PCSK5: variants seen among roughly 807,000 people sequenced by gnomAD.
PCSK5 encodes the protein prohormone convertase 5.
A neutral mutation model predicts 233.2 loss-of-function variants in PCSK5; 129 were observed. The ratio of observed to expected loss-of-function variants is 0.55; its 90% CI spans 0.48 to 0.64. PCSK5 has a LOEUF of 0.64. Among genes scored for constraint, PCSK5 ranks in the 30% least tolerant of loss-of-function variants. The probability of loss-of-function intolerance (pLI) is 0.00; values close to 1 mark genes in which losing one functional copy is unlikely to be tolerated. For missense variants in PCSK5, 2,076 were observed against 2,430.1 expected (o/e 0.85, Z 3.06); for synonymous variants, 825 against 879.2 (o/e 0.94, Z 1.09).
intron 1 of PCSK5, among the ~76,000 whole-genome samples, chr9:75,928,563 T>C (rs1362641890): frequency 7.4e-6 from 1 of 134,562 alleles, no homozygotes; most frequent in African/African-American, 2.7e-5. Flanking sequence ...TATTAATAGA[T>C]GAGAGACATA....
intron 13 of PCSK5, 51 bp downstream of exon 13, chr9:76,169,891 G>A: frequency 6.5e-7 from 1 of 1,529,910 alleles, no homozygotes; most frequent in South Asian, 1.2e-5. Context: ...GAAAATGATG[G>A]AGTATATTTT....
intron 4 of PCSK5, among the ~76,000 whole-genome samples, chr9:76,026,450 C>T (rs1828429050): frequency 6.6e-6 from 1 of 151,952 alleles, no homozygotes; most frequent in African/African-American, 2.4e-5. Flanking sequence ...TAATAAAGAT[C>T]GAATATTGAT....
At chr9:76,247,043 C>G (rs1255612393) in intron 24 of PCSK5, among the ~76,000 whole-genome samples, 1 of 152,182 alleles carries the variant, frequency 6.6e-6, no homozygotes, top group Non-Finnish European at 1.5e-5. Flanking sequence ...GGAAGAGAAC[C>G]GTGGAACCCA....
Position 76,117,573 on chromosome 9 carries a change from G to A in PCSK5, c.1208+10222G>A, listed in dbSNP as rs144414666. On this transcript the variant is annotated intron_variant, in intron 9 of 37. Coordinates refer to ENST00000674117, the MANE Select transcript of PCSK5 (RefSeq NM_001372043.1). Reference sequence around the variant, plus strand: ...ACGTTAAGCACATCTTACCTTTTTCGTCTAATAGAGCTTGCAATCACAACC... The same window carrying A: ...ACGTTAAGCACATCTTACCTTTTTCATCTAATAGAGCTTGCAATCACAACC... 4.1e-4 allele frequency among the ~76,000 whole-genome samples: 62 copies of A among 152,118 alleles called. 1 individual carries two copies. The East Asian group carries it at 0.011, about 27-fold the overall frequency.
intron 1 of PCSK5, among the ~76,000 whole-genome samples, chr9:75,929,861 CTT>C (rs146665133): frequency 4.8e-4 from 65 of 135,098 alleles, no homozygotes; most frequent in Admixed American, 3.7e-4. Flanking sequence ...TGTCAGATCT[CTT>C]TTTTTTTTTT....
intron 2 of PCSK5, among the ~76,000 whole-genome samples, chr9:75,947,549 A>C (rs1005369370): frequency 1.3e-5 from 2 of 152,182 alleles, no homozygotes; most frequent in Admixed American, 1.3e-4. Context: ...GTAAATAGGT[A>C]AGAAACAGGA....
At chr9:75,906,176 G>T (rs767215124) in intron 1 of PCSK5, among the ~76,000 whole-genome samples, 25 of 152,160 alleles carry the variant, frequency 1.6e-4, no homozygotes, top group Admixed American at 7.2e-4. Context: ...AAGGGTGAGA[G>T]AACTCATTTA....
intron 13 of PCSK5, among the ~76,000 whole-genome samples, chr9:76,173,496 C>CTTT (rs59248860): frequency 4.1e-4 from 25 of 61,004 alleles, no homozygotes; most frequent in Non-Finnish European, 6.0e-4. Context: ...GGCACGTTTC[C>CTTT]TTTTTTTTTT....
chr9:76,170,516 G>A (rs1823286980), intron 13 of PCSK5, among the ~76,000 whole-genome samples: 1 of 152,210 alleles, frequency 6.6e-6, no homozygotes, highest in Non-Finnish European at 1.5e-5. Context: ...CATGGGGTGA[G>A]AGACTGTGTT....
chr9:75,952,576 G>A (rs1000991101), intron 2 of PCSK5, among the ~76,000 whole-genome samples: 1 of 152,118 alleles, frequency 6.6e-6, no homozygotes, highest in Non-Finnish European at 1.5e-5. Context: ...AACAGTCCCT[G>A]CTACCTCCCA....
At chr9:75,906,746 G>T (rs1464619692) in intron 1 of PCSK5, among the ~76,000 whole-genome samples, 3 of 152,170 alleles carry the variant, frequency 2.0e-5, no homozygotes, top group Non-Finnish European at 4.4e-5. Context: ...GCCACCAGTA[G>T]CTCCCATTTG....
intron 20 of PCSK5, among the ~76,000 whole-genome samples, chr9:76,198,802 A>G (rs568345431): frequency 6.6e-6 from 1 of 152,318 alleles, no homozygotes; most frequent in South Asian, 2.1e-4. Flanking sequence ...TTAGACATAA[A>G]ACACATGGTT....
chr9:76,074,704 CAG>C (rs372449178), intron 7 of PCSK5, among the ~76,000 whole-genome samples: 504 of 152,276 alleles, frequency 3.3e-3, no homozygotes, highest in African/African-American at 0.012. Context: ...ATAGTACTCA[CAG>C]AGATGTTATA....
intron 33 of PCSK5, among the ~76,000 whole-genome samples, chr9:76,328,975 A>ATTTTTTTTTTTTTTTTTTT (rs59466685): frequency 3.3e-4 from 41 of 123,692 alleles, no homozygotes; most frequent in African/African-American, 7.1e-4. Flanking sequence ...CTCCCGGCTA[A>ATTTTTTTTTTTTTTTTTTT]TTTTTTTTTT....
chr9:76,239,000 G>C lies in PCSK5; in HGVS notation c.2908G>C (p.Gly970Arg), dbSNP rs17062264. 200,058 of 1,611,542 alleles carry C rather than the reference G, an allele frequency of 0.12. 13,583 individuals are homozygous for C. Among genetic ancestry groups the C allele is most frequent in the Admixed American group, 0.2 (11,947 of 59,812 alleles). ...GCACTTCCTGTACCAGGGAGAGTGT[G>C]GAGATAGCTGCCCAGAGGGCCACTA... ...REHFLYQGEC[G>R]DSCPEGHYAT... The change falls in exon 23 of 38, where the codon GGA becomes CGA. Residue 970 changes from glycine (G) to arginine (R), a missense_variant. Gly to Arg is a moderately radical substitution (Grantham distance 125, BLOSUM62 -2). Around this residue, in one of 6 missense-constraint regions of PCSK5, gnomAD observed 1,510 missense variants for 1,538.1 expected, o/e 0.98. Transcript: ENST00000674117.
chr9:76,133,797 C>T (rs1335963922), intron 9 of PCSK5, among the ~76,000 whole-genome samples: 2 of 151,912 alleles, frequency 1.3e-5, no homozygotes, highest in Admixed American at 1.3e-4. Flanking sequence ...GATGACAGCA[C>T]CATAGTAGGC....
intron 1 of PCSK5, among the ~76,000 whole-genome samples, chr9:75,931,194 C>G (rs550637183): frequency 1.1e-4 from 16 of 147,636 alleles, no homozygotes; most frequent in Non-Finnish European, 2.2e-4. Context: ...ACGTGATGAA[C>G]AGAAGGGAAA....
intron 3 of PCSK5, among the ~76,000 whole-genome samples, chr9:75,994,042 C>T (rs2131409810): frequency 6.6e-6 from 1 of 152,282 alleles, no homozygotes; most frequent in East Asian, 1.9e-4. Context: ...AACTCAAGTT[C>T]CCAGATGCCA....
At chr9:76,204,953 CTA>C (rs371740094) in intron 20 of PCSK5, among the ~76,000 whole-genome samples, 2 of 152,162 alleles carry the variant, frequency 1.3e-5, no homozygotes, top group African/African-American at 4.8e-5. Flanking sequence ...GTGTCACAGA[CTA>C]TGTTGGAAGT....
Sources: gnomAD v4.1 joint callset for allele counts (sites outside exome capture counted in the v4.1 genomes callset) on GRCh38, gnomAD v4.1.1 for gene constraint, gnomAD v4.1.1 regional missense constraint, MANE v1.5 for transcripts, NCBI Gene and HGNC (gene_info 2026-07-23, HGNC 2026-07-21) for gene names.